The following PARVB variants were observed in gnomAD, a reference collection of about 807,000 sequenced individuals.
The protein encoded by PARVB is parvin beta, also known as beta-parvin.
In PARVB, 46 loss-of-function variants were observed where a neutral mutation model predicts 47.0. The ratio of observed to expected loss-of-function variants is 0.98; its 90% CI spans 0.77 to 1.25. PARVB has a LOEUF of 1.25. PARVB is among the 50% of genes most tolerant of loss of function. The pLI is 0.00. For synonymous variants in PARVB, 196 were observed against 196.3 expected (o/e 1.00, Z 0.01); for missense variants, 473 against 471.6 (o/e 1.00, Z -0.03).
intron 2 of PARVB, among the ~76,000 whole-genome samples, chr22:44,005,244 C>T (rs9626087): frequency 0.22 from 33,490 of 150,634 alleles, 4,033 homozygotes; most frequent in Admixed American, 0.36. Context: ...AGACTATAGG[C>T]GTGTGCCACC....
intron 3 of PARVB, chr22:44,104,801 A>T (rs1436592245): frequency 2.6e-5 from 4 of 152,228 alleles, no homozygotes; most frequent in Admixed American, 2.6e-4. Flanking sequence ...GGGACATCCC[A>T]CAAGCCCACC....
In PARVB at chr22:44,103,932, C is replaced by G. The variant is rs2052510576; in HGVS notation, c.273+3809C>G. 1 of 152,288 alleles carries G rather than the reference C, an allele frequency of 6.6e-6. No homozygotes were observed. Among genetic ancestry groups the G allele is most frequent in the Non-Finnish European group, 1.5e-5 (1 of 68,068 alleles). 9.4% of individuals were successfully genotyped at this position (152,288 alleles called of 1,614,324 possible). A position where few individuals can be genotyped will look rare whatever the true frequency, so the allele number is the denominator to read the frequency against. On this transcript the variant is annotated intron_variant, in intron 3 of 12. Transcript: ENST00000338758. This position sits in a 1 kb window ranked among gnomAD's most constrained non-coding sequence, Gnocchi z 4.6. ...ACACCTGGATTTTAGCCCAGTGGAA[C>G]AGATTTTGGACTTTGACCTCTAGGA...
At chr22:44,007,104 C>T (rs1243862994) in intron 2 of PARVB, among the ~76,000 whole-genome samples, 1 of 152,242 alleles carries the variant, frequency 6.6e-6, no homozygotes, top group Non-Finnish European at 1.5e-5. Flanking sequence ...CACTACCTTC[C>T]GTTCATTCAA....
chr22:44,050,880 C>A (rs1021440763), intron 1 of PARVB, among the ~76,000 whole-genome samples: 2 of 152,168 alleles, frequency 1.3e-5, no homozygotes, highest in Non-Finnish European at 2.9e-5. Flanking sequence ...GCACACAGCC[C>A]GTCACCAGGA....
At chr22:44,005,028 T>A (rs1045206320) in intron 2 of PARVB, among the ~76,000 whole-genome samples, 5 of 152,162 alleles carry the variant, frequency 3.3e-5, no homozygotes, top group African/African-American at 4.8e-5. Flanking sequence ...AAACAGAAAA[T>A]CTTTATTTTG....
chr22:44,154,498 G>GT, intron 10 of PARVB, among the ~76,000 whole-genome samples: 1 of 150,034 alleles, frequency 6.7e-6, no homozygotes, highest in African/African-American at 2.5e-5. Context: ...AGTCTGTTGG[G>GT]GGTGTGTGTG....
At position 44,155,527 on chromosome 22, in the gene PARVB, A is replaced by G. The variant is rs2053912117; in HGVS notation, c.844-2455A>G. Among the ~76,000 whole-genome samples, 1 of 152,176 alleles carries G rather than the reference A, an allele frequency of 6.6e-6. No homozygotes were observed. Among genetic ancestry groups the G allele is most frequent in the African/African-American group, 2.4e-5 (1 of 41,442 alleles). On this transcript the variant is annotated intron_variant, in intron 10 of 12. Coordinates refer to ENST00000338758, the MANE Select transcript of PARVB (RefSeq NM_013327.5). The surrounding 1 kb of genome is among the most constrained non-coding windows in gnomAD (Gnocchi z 4.8). The stretch of plus-strand genomic sequence containing the variant: ...CCACGGAAGGAAGAAAAGACTCAGC[A>G]GGCTCAGGGCCTGCGGGAGCAGCGG...
At chr22:44,047,577 C>T (rs1157882861) in intron 1 of PARVB, among the ~76,000 whole-genome samples, 1 of 152,170 alleles carries the variant, frequency 6.6e-6, no homozygotes, top group Non-Finnish European at 1.5e-5. Context: ...AGGAGAATCA[C>T]TTGAACCCAG....
chr22:44,121,779 C>T (rs2053053564), intron 4 of PARVB, among the ~76,000 whole-genome samples: 1 of 152,156 alleles, frequency 6.6e-6, no homozygotes, highest in African/African-American at 2.4e-5. Flanking sequence ...AATTCCAGTT[C>T]AATGCTACAA....
chr22:44,033,823 C>G (rs2050866971), intron 1 of PARVB, among the ~76,000 whole-genome samples: 1 of 152,164 alleles, frequency 6.6e-6, no homozygotes, highest in Non-Finnish European at 1.5e-5. Context: ...ACTCCTAGGG[C>G]CTGCGTACGT....
At chr22:44,123,587 G>A (rs963012615) in intron 4 of PARVB, among the ~76,000 whole-genome samples, 18 of 152,222 alleles carry the variant, frequency 1.2e-4, no homozygotes, top group African/African-American at 4.1e-4. Context: ...CTTATTTTTT[G>A]TATTTTTTAT....
At chr22:44,024,491 C>A (rs1311240079) in intron 1 of PARVB, 40 bp downstream of exon 1, 3 of 1,043,418 alleles carry the variant, frequency 2.9e-6, no homozygotes, top group East Asian at 5.2e-5. Flanking sequence ...CGGGGACCTG[C>A]CCGGCGGTGC....
At chr22:44,124,945 A>AAC (rs1225059909) in intron 4 of PARVB, among the ~76,000 whole-genome samples, 2 of 152,096 alleles carry the variant, frequency 1.3e-5, no homozygotes, top group African/African-American at 4.8e-5. Flanking sequence ...TGGCCCTGAA[A>AAC]ACACAGGGGT....
intron 3 of PARVB, chr22:44,110,377 G>T (rs952515977): frequency 2.6e-5 from 4 of 152,080 alleles, no homozygotes; most frequent in African/African-American, 7.2e-5. Flanking sequence ...TGGTATCCTT[G>T]TTAATATCAG....
intron 2 of PARVB, among the ~76,000 whole-genome samples, chr22:44,094,647 G>C (rs1000324472): frequency 6.6e-5 from 10 of 151,098 alleles, no homozygotes; most frequent in African/African-American, 2.4e-4. Flanking sequence ...GTGCCACCCC[G>C]CCCACCTAAC....
chr22:44,037,996 C>T (rs918643616), intron 1 of PARVB, among the ~76,000 whole-genome samples: 1 of 152,224 alleles, frequency 6.6e-6, no homozygotes, highest in African/African-American at 2.4e-5. Flanking sequence ...TTGGCCTGGC[C>T]ATGGGGTCTT....
intron 9 of PARVB, chr22:44,148,143 G>A (rs575354728): frequency 3.0e-5 from 17 of 575,036 alleles, no homozygotes; most frequent in South Asian, 2.6e-4. Context: ...CTGCCCGCCC[G>A]CTCCGCTTCT....
chr22:44,022,581 G>A (rs1043199894), upstream of PARVB, among the ~76,000 whole-genome samples: 8 of 151,980 alleles, frequency 5.3e-5, no homozygotes, highest in African/African-American at 1.5e-4. Flanking sequence ...CTGCACTGGG[G>A]GGACTGGGGG....
chr22:44,140,050 C>A, intron 7 of PARVB, 74 bp from the exon 8 acceptor site: 1 of 1,585,222 alleles, frequency 6.3e-7, no homozygotes, highest in South Asian at 1.1e-5. Flanking sequence ...TGTCCCTCAT[C>A]CTCCATTGTG....
Sources: allele counts gnomAD v4.1 joint callset (sites outside exome capture counted in the v4.1 genomes callset), GRCh38; gene constraint gnomAD v4.1.1; non-coding constraint Gnocchi (gnomAD v3.1); transcripts MANE v1.5; gene names NCBI Gene and HGNC (gene_info 2026-07-23, HGNC 2026-07-21).